Variants in XPNPEP3 observed in about 807,000 individuals in gnomAD.
XPNPEP3 encodes X-prolyl aminopeptidase 3.
In XPNPEP3, 41 loss-of-function variants were observed where a neutral mutation model predicts 60.0. That is an observed-to-expected ratio of 0.68 (90% confidence interval 0.53 to 0.89). The LOEUF is 0.89. Ranked by LOEUF, XPNPEP3 falls within the 40% of genes least tolerant of loss-of-function variation. The pLI is 0.00. For missense variants in XPNPEP3, 598 were observed against 638.9 expected (o/e 0.94, Z 0.69); for synonymous variants, 212 against 223.2 (o/e 0.95, Z 0.45).
intron 7 of XPNPEP3, among the ~76,000 whole-genome samples, chr22:40,920,857 A>G (rs1045948715): frequency 1.2e-4 from 18 of 151,994 alleles, no homozygotes; most frequent in Admixed American, 2.0e-4. Flanking sequence ...CAATGGCGCA[A>G]TCTCGGCTCA....
chr22:40,877,880 T>A (rs971830963), intron 2 of XPNPEP3, among the ~76,000 whole-genome samples: 3 of 152,204 alleles, frequency 2.0e-5, no homozygotes, highest in African/African-American at 7.2e-5. Context: ...TTTTTTTTCC[T>A]CCTTCACATG....
At chr22:40,861,885 T>G in intron 1 of XPNPEP3, 1 of 1,614,100 alleles carries the variant, frequency 6.2e-7, no homozygotes, top group Non-Finnish European at 8.5e-7. Flanking sequence ...TTCTTTATTT[T>G]CTGGATTTTT....
intron 2 of XPNPEP3, among the ~76,000 whole-genome samples, chr22:40,870,888 G>T (rs2058001987): frequency 6.6e-6 from 1 of 152,012 alleles, no homozygotes; most frequent in Non-Finnish European, 1.5e-5. Flanking sequence ...AATTAGCCGG[G>T]TGTGGTGGCA....
chr22:40,878,074 C>T (rs2058034338), intron 2 of XPNPEP3, among the ~76,000 whole-genome samples: 2 of 152,052 alleles, frequency 1.3e-5, no homozygotes, highest in South Asian at 4.2e-4. Flanking sequence ...GGCGTGGTGG[C>T]ACATTCCTGT....
intron 7 of XPNPEP3, among the ~76,000 whole-genome samples, chr22:40,916,247 G>A (rs892010206): frequency 3.3e-5 from 5 of 151,486 alleles, no homozygotes; most frequent in Admixed American, 6.6e-5. Flanking sequence ...AGCCGAGATT[G>A]TACCACTGCA....
intron 5 of XPNPEP3, 44 bp from the exon 6 acceptor site, chr22:40,909,078 C>T (rs367560110): frequency 2.6e-6 from 4 of 1,554,278 alleles, no homozygotes; most frequent in Non-Finnish European, 3.6e-6. Context: ...GCTGGGGCAG[C>T]CCTACAGAAA....
chr22:40,913,156 A>G (rs1430926210), intron 6 of XPNPEP3, among the ~76,000 whole-genome samples: 3 of 152,024 alleles, frequency 2.0e-5, no homozygotes, highest in Non-Finnish European at 4.4e-5. Flanking sequence ...CTTTCCCCAC[A>G]TGTATTATGA....
chr22:40,860,822 T>A, intron 1 of XPNPEP3: 1 of 644,686 alleles, frequency 1.6e-6, no homozygotes, highest in Non-Finnish European at 2.5e-6. Flanking sequence ...GGCTAATTTT[T>A]AAATTTTTTG....
intron 4 of XPNPEP3, among the ~76,000 whole-genome samples, chr22:40,895,860 A>G (rs2146261067): frequency 6.6e-6 from 1 of 152,132 alleles, no homozygotes. Flanking sequence ...ACACTGTCTT[A>G]CTCCATCCAG....
At chr22:40,890,943 T>C (rs1046357765) in intron 4 of XPNPEP3, among the ~76,000 whole-genome samples, 12 of 152,144 alleles carry the variant, frequency 7.9e-5, no homozygotes, top group Admixed American at 7.2e-4. Context: ...TTACCTCTTC[T>C]CATATACTGT....
rs949210587 is a variant in XPNPEP3, at chr22:40,930,560, G to A, written c.*4125G>A. 1 of 150,718 alleles carries A rather than the reference G, an allele frequency of 6.6e-6. No homozygotes were observed. Among genetic ancestry groups the A allele is most frequent in the Non-Finnish European group, 1.5e-5 (1 of 67,720 alleles). The allele number at this position is 150,718 out of a possible 1,614,324, so 9.3% of individuals were successfully genotyped here. On this transcript the variant is annotated 3_prime_UTR_variant, in exon 10 of 10. Transcript: ENST00000357137. ...CATTGAACATTTATCATTTATTTGT[G>A]TTGAGCCTTTAGTTCTTTTTTTTTT...
At chr22:40,861,160 G>T in intron 1 of XPNPEP3, 1 of 1,614,022 alleles carries the variant, frequency 6.2e-7, no homozygotes, top group South Asian at 1.1e-5. Context: ...AAAATAGGGG[G>T]ATCTCTGTTG....
At chr22:40,883,728 A>G (rs918474032) in intron 3 of XPNPEP3, among the ~76,000 whole-genome samples, 1 of 152,078 alleles carries the variant, frequency 6.6e-6, no homozygotes, top group African/African-American at 2.4e-5. Context: ...ATTTTAATCA[A>G]TCCGAATGTT....
intron 2 of XPNPEP3, 50 bp from the exon 3 acceptor site, chr22:40,881,720 A>G: frequency 6.3e-7 from 1 of 1,598,718 alleles, no homozygotes; most frequent in Non-Finnish European, 8.6e-7. Flanking sequence ...TACCTTAAGT[A>G]CTTTGGCACT....
At chr22:40,861,889 G>A (rs561520701) in intron 1 of XPNPEP3, 3 of 1,613,650 alleles carry the variant, frequency 1.9e-6, no homozygotes, top group South Asian at 1.1e-5. Context: ...TTATTTTCTG[G>A]ATTTTTATCA....
At chr22:40,882,389 C>G (rs1036787337) in intron 3 of XPNPEP3, among the ~76,000 whole-genome samples, 1 of 152,192 alleles carries the variant, frequency 6.6e-6, no homozygotes, top group Admixed American at 6.5e-5. Context: ...GTAATCCCAG[C>G]ACTTTGGGAG....
rs147105734 is a variant in XPNPEP3 at position 40,886,497 on chromosome 22, T to C, written c.774T>C (p.Ala258=). 4.8e-5 allele frequency: 77 copies of C among 1,614,000 alleles called. No individual in the cohort carries two copies. In the African/African-American group the frequency reaches 9.9e-4, roughly 21 times the overall value. Residue 258 remains alanine, a synonymous_variant, in exon 4 of 10, where the codon GCT becomes GCC. Coordinates refer to ENST00000357137, the MANE Select transcript of XPNPEP3 (RefSeq NM_022098.4). ...CAGAAATTGAACGAATGCAGATTGC[T>C]GGGAAGCTGACATCACAGGTATGAT... is the stretch of plus-strand genomic sequence containing the variant. The part of the protein sequence containing the change: ...SPAEIERMQI[A]GKLTSQAFIE...
intron 4 of XPNPEP3, among the ~76,000 whole-genome samples, chr22:40,890,242 G>A (rs1339442049): frequency 1.3e-5 from 2 of 152,072 alleles, no homozygotes; most frequent in Admixed American, 6.6e-5. Flanking sequence ...AGCTGCTAAA[G>A]GCTTACATTA....
At position 40,932,600 on chromosome 22, in the gene XPNPEP3, C is replaced by T. The variant is rs1861209406; in HGVS notation, c.*6165C>T. On this transcript the variant is annotated 3_prime_UTR_variant, in exon 10 of 10. Transcript: ENST00000357137. ...ATCAGAGGACCCACTGGAATCAAGG[C>T]TTCTTGGAATTGCGCAAGAATCTGA... 6.6e-6 allele frequency: 1 copy of T among 152,102 alleles called. No individual in the cohort carries two copies. The highest frequency in any genetic ancestry group is 1.9e-4 in the East Asian group (1 of 5,190). The allele number at this position is 152,102 out of a possible 1,614,324, so 9.4% of individuals were successfully genotyped here. A position where few individuals can be genotyped will look rare whatever the true frequency, so the allele number is the denominator to read the frequency against.
Sources: gnomAD v4.1 joint callset for allele counts (sites outside exome capture counted in the v4.1 genomes callset) on GRCh38, gnomAD v4.1.1 for gene constraint, MANE v1.5 for transcripts, NCBI Gene and HGNC (gene_info 2026-07-23, HGNC 2026-07-21) for gene names.